Variants in RHOH observed in about 807,000 individuals in gnomAD.
The protein encoded by RHOH is rho-related GTP-binding protein RhoH.
A neutral mutation model predicts 13.8 loss-of-function variants in RHOH; 6 were observed. The observed-to-expected ratio is 0.44, with a 90% CI of 0.24 to 0.86. The LOEUF (loss-of-function observed/expected upper bound fraction) is 0.86. RHOH is among the 40% of genes least tolerant of loss of function. The probability of loss-of-function intolerance (pLI) is 0.24; values close to 1 mark genes in which losing one functional copy is unlikely to be tolerated. For synonymous variants in RHOH, 117 were observed against 103.0 expected (o/e 1.14, Z -0.82); for missense variants, 147 against 244.5 (o/e 0.60, Z 2.66).
chr4:40,215,369 G>A (rs369972103), intron 1 of RHOH, among the ~76,000 whole-genome samples: 6 of 152,202 alleles, frequency 3.9e-5, no homozygotes, highest in African/African-American at 1.4e-4. Flanking sequence ...AAAATGATTG[G>A]TATGAGTTTC....
At chr4:40,227,178 AAAAC>A (rs57161410) in intron 1 of RHOH, among the ~76,000 whole-genome samples, 2 of 151,388 alleles carry the variant, frequency 1.3e-5, no homozygotes, top group Admixed American at 6.6e-5. Context: ...AACAAAAACA[AAAAC>A]AAACAAAAAA....
At chr4:40,196,291 G>A (rs1243121414), upstream of RHOH, among the ~76,000 whole-genome samples, 1 of 152,200 alleles carries the variant, frequency 6.6e-6, no homozygotes, top group Non-Finnish European at 1.5e-5. Flanking sequence ...TGGGGCACAG[G>A]CGGTTGTGAC....
At chr4:40,195,719 T>C (rs188300732), upstream of RHOH, among the ~76,000 whole-genome samples, 347 of 152,166 alleles carry the variant, frequency 2.3e-3, 2 homozygotes, top group African/African-American at 7.3e-3. Context: ...GTGCTGGCAT[T>C]ACAGGTGTGA....
chr4:40,243,975 T>TTCACACAAC lies in RHOH; in HGVS notation c.*14_*22dup. ...CAAGATCTTCTAAACCCCAAGAGAC[T>TTCACACAAC]TCACACAACACTTATGTATGCACCC... On this transcript the variant is annotated 3_prime_UTR_variant, in exon 3 of 3. Coordinates refer to ENST00000381799, the MANE Select transcript of RHOH (RefSeq NM_004310.5). This position sits in a 1 kb window ranked among gnomAD's most constrained non-coding sequence, Gnocchi z 6.2. The TTCACACAAC allele has an allele frequency of 6.3e-7, 1 of 1,595,024 alleles. No individual in the cohort carries two copies. Among genetic ancestry groups the TTCACACAAC allele is most frequent in the South Asian group, 1.1e-5 (1 of 88,944 alleles).
intron 1 of RHOH, among the ~76,000 whole-genome samples, chr4:40,222,465 T>A (rs1579290774): frequency 6.6e-6 from 1 of 152,234 alleles, no homozygotes; most frequent in South Asian, 2.1e-4. Context: ...TTAAGAATTA[T>A]GCTAAATCTA....
intron 1 of RHOH, among the ~76,000 whole-genome samples, chr4:40,228,545 T>TC (rs1727516404): frequency 6.6e-6 from 1 of 152,056 alleles, no homozygotes; most frequent in African/African-American, 2.4e-5. Flanking sequence ...ATGGTGGTGG[T>TC]GGTTGGTGGT....
In RHOH at chr4:40,198,890, G is replaced by A. The variant is rs150991848; in HGVS notation, c.-331+1590G>A. On this transcript the variant is annotated intron_variant, in intron 1 of 2. Coordinates refer to ENST00000381799, the MANE Select transcript of RHOH (RefSeq NM_004310.5). ...GTATGCTTCTGTTCTTTTTCTGGAC[G>A]TTGTTTAGAGAGTCAGTAGATCATA... Among the ~76,000 whole-genome samples, 249 of 152,218 alleles carry A rather than the reference G, an allele frequency of 1.6e-3. 3 individuals carry two copies. The highest frequency in any genetic ancestry group is 5.5e-3 in the African/African-American group (227 of 41,524).
chr4:40,202,151 T>C (rs1042233530), intron 1 of RHOH, among the ~76,000 whole-genome samples: 4 of 151,758 alleles, frequency 2.6e-5, no homozygotes, highest in African/African-American at 9.7e-5. Flanking sequence ...CTCACTTTGT[T>C]GCCCAGCCTG....
chr4:40,234,982 A>G (rs1728381212), intron 1 of RHOH, among the ~76,000 whole-genome samples: 1 of 152,156 alleles, frequency 6.6e-6, no homozygotes, highest in Non-Finnish European at 1.5e-5. Flanking sequence ...CTTAAAAATG[A>G]TTTCTTTCTG....
At chr4:40,226,409 C>G (rs925948700) in intron 1 of RHOH, among the ~76,000 whole-genome samples, 8 of 151,828 alleles carry the variant, frequency 5.3e-5, no homozygotes, top group African/African-American at 1.9e-4. Flanking sequence ...GCCTGTTATT[C>G]CAGCTACTTG....
chr4:40,232,470 G>A (rs1034570397), intron 1 of RHOH, among the ~76,000 whole-genome samples: 1 of 151,702 alleles, frequency 6.6e-6, no homozygotes. Flanking sequence ...GCCCAGGCTG[G>A]TCTTGAACTC....
chr4:40,242,945 TTGTGTGTGTGTGTGTGTGTGTGTGTG>T (rs58807335), intron 2 of RHOH, 111 bp downstream of exon 2: 9 of 143,632 alleles, frequency 6.3e-5, no homozygotes, highest in Admixed American at 7.2e-5. Flanking sequence ...CGGGAGGCAT[TTGTGTGTGTGTGTGTGTGTGTGTGTG>T]TGTGTGTGTG....
At chr4:40,196,929 C>G (rs1404123313), upstream of RHOH, 1 of 152,134 alleles carries the variant, frequency 6.6e-6, no homozygotes, top group Admixed American at 6.6e-5. Flanking sequence ...GAGAAACGCA[C>G]GTGCACACAC....
intron 1 of RHOH, among the ~76,000 whole-genome samples, chr4:40,228,477 C>G (rs1727507047): frequency 6.6e-6 from 1 of 152,048 alleles, no homozygotes; most frequent in Non-Finnish European, 1.5e-5. Flanking sequence ...TCTGTTTGGA[C>G]CAGCAAGTAA....
At chr4:40,199,377 A>C (rs1347055515) in intron 1 of RHOH, among the ~76,000 whole-genome samples, 1 of 152,244 alleles carries the variant, frequency 6.6e-6, no homozygotes, top group African/African-American at 2.4e-5. Context: ...TTCCAGGGAA[A>C]GTAGGGTGAC....
At chr4:40,219,360 C>A (rs1182059878) in intron 1 of RHOH, among the ~76,000 whole-genome samples, 1 of 147,258 alleles carries the variant, frequency 6.8e-6, no homozygotes, top group Non-Finnish European at 1.5e-5. Flanking sequence ...TGCAGTGAGC[C>A]GAGATCGCAC....
chr4:40,198,448 C>T (rs1475552420), intron 1 of RHOH, among the ~76,000 whole-genome samples: 1 of 152,216 alleles, frequency 6.6e-6, no homozygotes. Flanking sequence ...GGAGAAGTGA[C>T]CCCATTCAAT....
At position 40,235,590 on chromosome 4, in the gene RHOH, C is replaced by CAAAAAA. The variant is rs34336418; in HGVS notation, c.-330-7111_-330-7106dup. On this transcript the variant is annotated intron_variant, in intron 1 of 2. Coordinates refer to ENST00000381799, the MANE Select transcript of RHOH (RefSeq NM_004310.5). ...GGGCAAAAAGAGCGAAACTTCATCTCAAAAAAAAAAAAAAAAAAGAAAAAA... is the reference window on the plus strand; with the variant it reads ...GGGCAAAAAGAGCGAAACTTCATCTCAAAAAAAAAAAAAAAAAAAAAAAAGAAAAAA... Among the ~76,000 whole-genome samples, 7 of 74,774 alleles carry CAAAAAA rather than the reference C, an allele frequency of 9.4e-5. No individual in the cohort carries two copies. The South Asian group carries it at 2.0e-3, about 21-fold the overall frequency. 49.1% of individuals were successfully genotyped at this position (74,774 alleles called of 152,430 possible). A position where few individuals can be genotyped will look rare whatever the true frequency, so the allele number is the denominator to read the frequency against.
chr4:40,225,044 GGCTACAGGTACATGCTACCAT>G (rs1281968652), intron 1 of RHOH, among the ~76,000 whole-genome samples: 1 of 152,156 alleles, frequency 6.6e-6, no homozygotes, highest in East Asian at 1.9e-4. Context: ...GAGTAGCTAA[GGCTACAGGTACATGCTACCAT>G]GCCCAACTAA....
Sources: gnomAD v4.1 joint callset for allele counts (sites outside exome capture counted in the v4.1 genomes callset) on GRCh38, gnomAD v4.1.1 for gene constraint, Gnocchi (gnomAD v3.1) non-coding constraint, MANE v1.5 for transcripts, NCBI Gene and HGNC (gene_info 2026-07-23, HGNC 2026-07-21) for gene names.